ARHGAP28: variants seen among roughly 807,000 people sequenced by gnomAD.
ARHGAP28 encodes the protein Rho GTPase activating protein 28, also known as rho GTPase-activating protein 28.
In ARHGAP28, 56 loss-of-function variants were observed where a neutral mutation model predicts 90.7. That is an observed-to-expected ratio of 0.62 (90% confidence interval 0.50 to 0.77). The LOEUF (loss-of-function observed/expected upper bound fraction) is 0.77. Ranked by LOEUF, ARHGAP28 falls within the 30% of genes least tolerant of loss-of-function variation. The probability of loss-of-function intolerance (pLI) is 0.00; values close to 1 mark genes in which losing one functional copy is unlikely to be tolerated. For missense variants in ARHGAP28, 869 were observed against 900.9 expected (o/e 0.96, Z 0.45); for synonymous variants, 308 against 323.3 (o/e 0.95, Z 0.51).
At chr18:6,743,795 A>G (rs1045124383) in intron 1 of ARHGAP28, among the ~76,000 whole-genome samples, 1 of 152,242 alleles carries the variant, frequency 6.6e-6, no homozygotes, top group African/African-American at 2.4e-5. Context: ...TGAAATAAAA[A>G]GTGAAATTGA....
At chr18:6,805,263 G>A (rs117513497) in intron 1 of ARHGAP28, among the ~76,000 whole-genome samples, 6 of 152,062 alleles carry the variant, frequency 3.9e-5, no homozygotes, top group African/African-American at 7.2e-5. Flanking sequence ...TTGTTATTTC[G>A]TCTTCATTGA....
At chr18:6,878,464 G>T (rs956009975) in intron 10 of ARHGAP28, among the ~76,000 whole-genome samples, 2 of 151,914 alleles carry the variant, frequency 1.3e-5, no homozygotes, top group Non-Finnish European at 2.9e-5. Context: ...CCTGCACATT[G>T]TGCACATGTA....
intron 1 of ARHGAP28, among the ~76,000 whole-genome samples, chr18:6,779,347 T>G (rs2056307398): frequency 6.6e-6 from 1 of 152,212 alleles, no homozygotes; most frequent in Admixed American, 6.5e-5. Context: ...ATTAGGGTTG[T>G]GGAATTTACC....
At chr18:6,882,106 T>C in intron 10 of ARHGAP28, 31 bp from the exon 11 acceptor site, 1 of 1,592,638 alleles carries the variant, frequency 6.3e-7, no homozygotes, top group Non-Finnish European at 8.6e-7. Flanking sequence ...TAAAAGTGCA[T>C]TGAATACTGA....
intron 16 of ARHGAP28, among the ~76,000 whole-genome samples, chr18:6,907,771 G>A (rs534613803): frequency 3.6e-4 from 55 of 152,276 alleles, no homozygotes; most frequent in African/African-American, 1.3e-3. Context: ...TCATGATACT[G>A]CACTAGAGTT....
chr18:6,792,163 A>G (rs921956255), intron 1 of ARHGAP28, among the ~76,000 whole-genome samples: 2 of 152,172 alleles, frequency 1.3e-5, no homozygotes, highest in African/African-American at 4.8e-5. Flanking sequence ...ACGTAGAGGA[A>G]GGGATAGAAT....
At chr18:6,843,160 G>A (rs1213514863) in intron 3 of ARHGAP28, among the ~76,000 whole-genome samples, 1 of 151,812 alleles carries the variant, frequency 6.6e-6, no homozygotes, top group Non-Finnish European at 1.5e-5. Flanking sequence ...GCTCAGCATG[G>A]GTTGATAAAT....
At chr18:6,841,192 T>TCTCTCTCTCTCCTCTCCTCTC (rs2056818186) in intron 3 of ARHGAP28, among the ~76,000 whole-genome samples, 1 of 66,484 alleles carries the variant, frequency 1.5e-5, no homozygotes, top group Non-Finnish European at 2.8e-5. Context: ...TCTCTCTCTC[T>TCTCTCTCTCTCCTCTCCTCTC]CTCTCTCTCT....
intron 1 of ARHGAP28, among the ~76,000 whole-genome samples, chr18:6,822,034 T>A (rs1567958603): frequency 6.6e-6 from 1 of 152,210 alleles, no homozygotes; most frequent in Admixed American, 6.5e-5. Context: ...TGAGGTGGTA[T>A]TACCGTATTG....
Position 6,889,930 on chromosome 18 carries a change from A to C in ARHGAP28, c.1579A>C (p.Lys527Gln). The change falls in exon 13 of 18, where the codon AAA becomes CAA. Residue 527 changes from lysine (K) to glutamine (Q), a missense_variant. Coordinates refer to ENST00000383472, the MANE Select transcript of ARHGAP28 (RefSeq NM_001366230.1). ...CAATAAAGTGATTGCCAATGAATCA[A>C]AAAACCGAATGAGTCTGTGGAACAT... ...FFNKVIANESKNRMSLWNIST... is the reference protein window; with the variant it reads ...FFNKVIANESQNRMSLWNIST... 1 of 1,614,190 alleles carries C rather than the reference A, an allele frequency of 6.2e-7. No homozygotes were observed. Among genetic ancestry groups the C allele is most frequent in the Non-Finnish European group, 8.5e-7 (1 of 1,180,034 alleles).
intron 1 of ARHGAP28, among the ~76,000 whole-genome samples, chr18:6,796,083 G>A (rs2056439660): frequency 1.3e-5 from 2 of 152,158 alleles, no homozygotes; most frequent in South Asian, 2.1e-4. Flanking sequence ...ACATACATGG[G>A]TGTTATTCCA....
chr18:6,846,652 CT>C (rs1360906198), intron 3 of ARHGAP28, among the ~76,000 whole-genome samples: 1 of 152,212 alleles, frequency 6.6e-6, no homozygotes, highest in African/African-American at 2.4e-5. Flanking sequence ...TTGCCCCTCT[CT>C]GCTGTCCCCA....
Position 6,873,788 on chromosome 18 carries a change from C to T in ARHGAP28, c.1212+13C>T, listed in dbSNP as rs369770076. The T allele has an allele frequency of 1.2e-6, 2 of 1,604,914 alleles. No individual in the cohort carries two copies. Among genetic ancestry groups the T allele is most frequent in the Non-Finnish European group, 1.7e-6 (2 of 1,172,722 alleles). ...GGTATTACAAAAAGTGAGTAGCAGG[C>T]AAATGAAAGGGGAATTCACAGAGCC... is the stretch of plus-strand genomic sequence containing the variant. On this transcript the variant is annotated intron_variant, in intron 9 of 17. Transcript: ENST00000383472.
intron 3 of ARHGAP28, among the ~76,000 whole-genome samples, chr18:6,842,230 G>A (rs1425587737): frequency 6.6e-6 from 1 of 152,074 alleles, no homozygotes; most frequent in Non-Finnish European, 1.5e-5. Context: ...GCACGTACCT[G>A]CTGTCCCATG....
intron 3 of ARHGAP28, among the ~76,000 whole-genome samples, chr18:6,839,959 T>G (rs1348685077): frequency 6.6e-6 from 1 of 152,218 alleles, no homozygotes; most frequent in Non-Finnish European, 1.5e-5. Flanking sequence ...TTTCCACTTT[T>G]AAGCATTCAG....
At chr18:6,827,008 G>C (rs1487467750) in intron 2 of ARHGAP28, among the ~76,000 whole-genome samples, 1 of 152,148 alleles carries the variant, frequency 6.6e-6, no homozygotes, top group Admixed American at 6.5e-5. Flanking sequence ...TTGGGGGTAA[G>C]GTCACAGATC....
intron 1 of ARHGAP28, among the ~76,000 whole-genome samples, chr18:6,758,790 C>G (rs1050779021): frequency 2.0e-5 from 3 of 152,076 alleles, no homozygotes; most frequent in Non-Finnish European, 4.4e-5. Flanking sequence ...TATCTATTCA[C>G]TTATTATCTC....
In ARHGAP28 at chr18:6,840,809, C is replaced by G. The variant is rs923751852; in HGVS notation, c.543+3395C>G. On this transcript the variant is annotated intron_variant, in intron 3 of 17. Transcript: ENST00000383472. ...GGGCTTGTGCTGTCTTGGAAAATAG[C>G]GCAGTCAGTGAAATGAAATCAGTGT... is the stretch of plus-strand genomic sequence containing the variant. 2.0e-5 allele frequency among the ~76,000 whole-genome samples: 3 copies of G among 152,076 alleles called. No individual in the cohort carries two copies. The South Asian group carries it at 6.2e-4, about 32-fold the overall frequency.
At chr18:6,872,222 A>AC (rs1178304116) in intron 7 of ARHGAP28, among the ~76,000 whole-genome samples, 1 of 152,200 alleles carries the variant, frequency 6.6e-6, no homozygotes, top group African/African-American at 2.4e-5. Context: ...CCCATGAAGA[A>AC]CTTTGCATAG....
Sources: allele counts gnomAD v4.1 joint callset (sites outside exome capture counted in the v4.1 genomes callset), GRCh38; gene constraint gnomAD v4.1.1; transcripts MANE v1.5; gene names NCBI Gene and HGNC (gene_info 2026-07-23, HGNC 2026-07-21).